ZNF75D: variants seen among roughly 807,000 people sequenced by gnomAD.
The protein encoded by ZNF75D is zinc finger protein 75D.
In ZNF75D, 33 loss-of-function variants were observed where a neutral mutation model predicts 33.3. The observed-to-expected ratio is 0.99, with a 90% CI of 0.75 to 1.32. The LOEUF (loss-of-function observed/expected upper bound fraction) is 1.32, where lower values mean the gene tolerates loss of function less well. Ranked by LOEUF, ZNF75D falls within the 40% of genes most tolerant of loss-of-function variation. ZNF75D has a pLI of 0.00. For synonymous variants in ZNF75D, 113 were observed against 130.6 expected (o/e 0.87, Z 0.92); for missense variants, 338 against 367.5 (o/e 0.92, Z 0.66).
intron 1 of ZNF75D, among the ~76,000 whole-genome samples, chrX:135,328,151 T>C (rs1185955132): frequency 5.4e-5 from 6 of 111,575 alleles, no homozygotes; most frequent in African/African-American, 1.6e-4. Flanking sequence ...AAAATGACTA[T>C]TATGAGTAGA....
At chrX:135,333,867 G>A (rs782685326) in intron 1 of ZNF75D, among the ~76,000 whole-genome samples, 23 of 111,751 alleles carry the variant, frequency 2.1e-4, no homozygotes, top group Non-Finnish European at 3.6e-4. Flanking sequence ...CTTTTACAAC[G>A]AACATCAGAA....
chrX:135,319,665 A>G (rs1284247622), intron 1 of ZNF75D, among the ~76,000 whole-genome samples: 1 of 112,343 alleles, frequency 8.9e-6, no homozygotes, highest in Non-Finnish European at 1.9e-5. Context: ...AGGATAAGGC[A>G]AAGTTGGGGG....
intron 1 of ZNF75D, among the ~76,000 whole-genome samples, chrX:135,258,616 T>A (rs541728296): frequency 8.9e-6 from 1 of 111,980 alleles, no homozygotes; most frequent in South Asian, 3.8e-4. Context: ...TCTATTCATA[T>A]CCTTTGCCCA....
intron 1 of ZNF75D, among the ~76,000 whole-genome samples, chrX:135,303,197 A>G (rs999551854): frequency 1.8e-5 from 2 of 109,144 alleles, no homozygotes; most frequent in Non-Finnish European, 3.8e-5. Context: ...TTGCCCAGGG[A>G]CAGGCAGGAG....
At chrX:135,272,882 C>A (rs782048103) in intron 1 of ZNF75D, among the ~76,000 whole-genome samples, 1 of 111,774 alleles carries the variant, frequency 8.9e-6, no homozygotes, top group African/African-American at 3.3e-5. Flanking sequence ...CCAATGGGAA[C>A]CTCTAGAAGG....
intron 1 of ZNF75D, among the ~76,000 whole-genome samples, chrX:135,333,531 C>A (rs2084675686): frequency 8.9e-6 from 1 of 112,176 alleles, no homozygotes; most frequent in Non-Finnish European, 1.9e-5. Context: ...GATGAAGGAA[C>A]CCTTTGCCTA....
At chrX:135,256,756 G>T (rs1418073607) in intron 1 of ZNF75D, among the ~76,000 whole-genome samples, 2 of 111,374 alleles carry the variant, frequency 1.8e-5, no homozygotes, top group Non-Finnish European at 3.8e-5. Context: ...AAGGAGAGGA[G>T]AGTGAATAAA....
At chrX:135,271,652 T>C (rs111286622) in intron 1 of ZNF75D, among the ~76,000 whole-genome samples, 2,236 of 111,877 alleles carry the variant, frequency 0.02, 58 homozygotes, top group African/African-American at 0.068. Context: ...GGTCACCTCC[T>C]ATTCACCCCA....
Position 135,287,161 on chromosome X carries a change from T to C in ZNF75D, c.1509A>G (p.Glu503=). 1 of 1,207,267 alleles carries C rather than the reference T, an allele frequency of 8.3e-7. No individual in the cohort carries two copies. Among genetic ancestry groups the C allele is most frequent in the Middle Eastern group, 2.3e-4 (1 of 4,337 alleles). ...LRHQKLHRRR[E]ACLVSPN The stretch of plus-strand genomic sequence containing the variant: ...CTCAGTTTGGAGACACTAGACATGC[T>C]TCCCTTCTTCTGTGGAGTTTCTGGT... Residue 503 remains glutamate (E), a synonymous_variant, in exon 7 of 7, where the codon GAA becomes GAG. Coordinates refer to ENST00000370766, the MANE Select transcript of ZNF75D (RefSeq NM_007131.5).
intron 1 of ZNF75D, among the ~76,000 whole-genome samples, chrX:135,296,452 C>G (rs1402002760): frequency 1.8e-5 from 2 of 111,756 alleles, no homozygotes; most frequent in African/African-American, 6.5e-5. Flanking sequence ...GTCTAGGGGC[C>G]ACGGAAGAGT....
At chrX:135,291,648 A>T (rs781889107) in intron 4 of ZNF75D, 85 bp from the exon 5 acceptor site, 2 of 1,141,039 alleles carry the variant, frequency 1.8e-6, no homozygotes, top group East Asian at 6.5e-5. Flanking sequence ...GAACATCAGG[A>T]TGCCTTCAGT....
intron 1 of ZNF75D, among the ~76,000 whole-genome samples, chrX:135,258,275 T>C (rs930573806): frequency 9.1e-6 from 1 of 109,322 alleles, no homozygotes; most frequent in Admixed American, 9.9e-5. Context: ...TGTGTCTTTA[T>C]AGTAGCATGA....
At chrX:135,285,024 TC>T (rs1188220742), downstream of ZNF75D, among the ~76,000 whole-genome samples, 1 of 111,700 alleles carries the variant, frequency 9.0e-6, no homozygotes, top group Non-Finnish European at 1.9e-5. Context: ...AATTTGAATT[TC>T]CCATTTTAGT....
chrX:135,294,279 A>T (rs2084092383), intron 2 of ZNF75D, 21 bp from the exon 3 acceptor site: 1 of 450,859 alleles, frequency 2.2e-6, no homozygotes, highest in South Asian at 5.6e-5. Flanking sequence ...GCAGAAGAAA[A>T]GTACATGTCA....
At chrX:135,318,713 G>A (rs1179260985) in intron 1 of ZNF75D, among the ~76,000 whole-genome samples, 3 of 111,170 alleles carry the variant, frequency 2.7e-5, no homozygotes, top group African/African-American at 9.8e-5. Flanking sequence ...GCCTTAAAAT[G>A]TTCCTACCAT....
chrX:135,293,808 C>G lies in ZNF75D; in HGVS notation c.333G>C (p.Lys111Asn). Residue 111 changes from lysine to asparagine, a missense_variant, in exon 3 of 7, where the codon AAG becomes AAC. By Grantham distance (94) the Lys-to-Asn change is moderately conservative. Transcript: ENST00000370766. The part of the protein sequence containing the change: ...LPKETQNWVQ[K>N]HHPQNVKQAL... ...CCTGTTTGACATTCTGTGGATGATG[C>G]TTCTGCACCCAGTTCTGGGTCTCCT... The G allele has an allele frequency of 1.7e-6, 2 of 1,209,652 alleles. No homozygotes were observed. The highest frequency in any genetic ancestry group is 2.2e-6 in the Non-Finnish European group (2 of 893,704).
intron 1 of ZNF75D, among the ~76,000 whole-genome samples, chrX:135,316,820 T>A (rs1602640164): frequency 1.8e-5 from 2 of 109,545 alleles, no homozygotes; most frequent in East Asian, 5.7e-4. Context: ...AGTTCCAGAA[T>A]TTTTTTTAAT....
intron 1 of ZNF75D, among the ~76,000 whole-genome samples, chrX:135,260,291 G>C (rs1257635093): frequency 1.8e-5 from 2 of 111,956 alleles, no homozygotes; most frequent in African/African-American, 6.5e-5. Context: ...TTTGGTATCA[G>C]GGTGATGTTG....
rs2083943468 is a variant in ZNF75D, at chrX:135,285,908, CATT to C, written c.*1226_*1228del. The C allele has an allele frequency of 8.9e-6, 1 of 112,461 alleles. No homozygotes were observed. Among genetic ancestry groups the C allele is most frequent in the Non-Finnish European group, 1.9e-5 (1 of 53,349 alleles). 9.3% of individuals were successfully genotyped at this position (112,461 alleles called of 1,213,427 possible). On this transcript the variant is annotated 3_prime_UTR_variant, in exon 7 of 7. Transcript: ENST00000370766. ...ACATATATAAATAAGCCTTGGCCAA[CATT>C]ATAAACCAGGATCTGACATAGATAT...
Sources: gnomAD v4.1 joint callset for allele counts (sites outside exome capture counted in the v4.1 genomes callset) on GRCh38, gnomAD v4.1.1 for gene constraint, MANE v1.5 for transcripts, NCBI Gene and HGNC (gene_info 2026-07-23, HGNC 2026-07-21) for gene names.